The following KCNMA1 variants were observed in gnomAD, a reference collection of about 807,000 sequenced individuals.
KCNMA1 encodes the protein potassium calcium-activated channel subfamily M alpha 1.
Under a neutral mutation model 140.0 loss-of-function variants are expected in KCNMA1, and 29 were observed. That is an observed-to-expected ratio of 0.21 (90% CI 0.15 to 0.28). The LOEUF is 0.28. Among genes scored for constraint, KCNMA1 ranks in the 10% least tolerant of loss-of-function variants. KCNMA1 has a pLI of 1.00. For missense variants in KCNMA1, 880 were observed against 1,602.2 expected (o/e 0.55, Z 7.70); for synonymous variants, 612 against 611.9 (o/e 1.00, Z 0.00).
chr10:77,098,806 G>T (rs1279556283), intron 9 of KCNMA1, among the ~76,000 whole-genome samples: 2 of 151,622 alleles, frequency 1.3e-5, no homozygotes, highest in Admixed American at 6.6e-5. Context: ...GCTTTCTTCA[G>T]TAAGCAATTC....
intron 19 of KCNMA1, 150 bp from the exon 20 acceptor site, chr10:76,970,217 T>C (rs2153161251): frequency 1.4e-6 from 1 of 707,306 alleles, no homozygotes; most frequent in African/African-American, 1.7e-5. Context: ...AGACCAAATG[T>C]GTTAGTCAAA....
chr10:77,619,138 G>A (rs796973688), intron 1 of KCNMA1, among the ~76,000 whole-genome samples: 6 of 152,302 alleles, frequency 3.9e-5, no homozygotes, highest in African/African-American at 1.4e-4. Flanking sequence ...ACCCCAAAAT[G>A]TAGTGGCTTA....
At chr10:77,251,089 CTCAG>C (rs1446306019) in intron 3 of KCNMA1, 102 bp downstream of exon 3, 5 of 894,984 alleles carry the variant, frequency 5.6e-6, no homozygotes, top group East Asian at 4.9e-5. Context: ...ATCTTCTGCA[CTCAG>C]AAGGTCTTGC....
chr10:77,299,064 G>C (rs1216219301), intron 2 of KCNMA1, among the ~76,000 whole-genome samples: 1 of 152,168 alleles, frequency 6.6e-6, no homozygotes, highest in Non-Finnish European at 1.5e-5. Context: ...TAGTTCAGTC[G>C]TACTGCACAG....
rs559461350 is a variant in KCNMA1 at position 77,393,989 on chromosome 10, CTGTATA to C, written c.540+9867_540+9872del. On this transcript the variant is annotated intron_variant, in intron 2 of 27. Transcript: ENST00000286628. ...CCACTGACCTGTGCTACGCTCAGTT[CTGTATA>C]CTAGGGAACACCAATCAATGTCGGT... Among the ~76,000 whole-genome samples, 371 of 152,334 alleles carry C rather than the reference CTGTATA, an allele frequency of 2.4e-3. 4 individuals carry two copies. The highest frequency in any genetic ancestry group is 5.1e-3 in the Admixed American group (78 of 15,306).
At chr10:77,173,493 C>T (rs927519532) in intron 5 of KCNMA1, among the ~76,000 whole-genome samples, 62 of 152,074 alleles carry the variant, frequency 4.1e-4, no homozygotes, top group African/African-American at 1.4e-3. Flanking sequence ...ACTGTATGTA[C>T]ATACACATAC....
intron 1 of KCNMA1, among the ~76,000 whole-genome samples, chr10:77,494,306 G>A (rs769554170): frequency 2.0e-5 from 3 of 152,190 alleles, no homozygotes; most frequent in African/African-American, 7.2e-5. Flanking sequence ...CTTCAGGCCA[G>A]GGCTGAATAG....
intron 1 of KCNMA1, among the ~76,000 whole-genome samples, chr10:77,497,240 A>G (rs575181104): frequency 6.0e-4 from 91 of 152,360 alleles, no homozygotes; most frequent in Non-Finnish European, 1.2e-3. Flanking sequence ...TCAAAGTCCA[A>G]TGGGGACTCC....
At chr10:77,635,740 TCC>T (rs2093666568) in intron 1 of KCNMA1, 1 of 152,208 alleles carries the variant, frequency 6.6e-6, no homozygotes, top group Non-Finnish European at 1.5e-5. Flanking sequence ...AAGAAAACTC[TCC>T]GACCAGCACC....
intron 2 of KCNMA1, among the ~76,000 whole-genome samples, chr10:77,340,605 C>T (rs181360425): frequency 8.6e-4 from 131 of 151,772 alleles, no homozygotes; most frequent in Admixed American, 1.8e-3. Flanking sequence ...AGCAAACTAT[C>T]GCAAGGACAA....
intron 13 of KCNMA1, among the ~76,000 whole-genome samples, chr10:77,078,834 T>C (rs2096478566): frequency 1.3e-5 from 2 of 152,206 alleles, no homozygotes; most frequent in African/African-American, 4.8e-5. Context: ...CAAATAAAAG[T>C]TGTTGTAACT....
rs1413792510 is a variant in KCNMA1, at chr10:76,918,651, C to T, written c.2903-3602G>A. Reference sequence around the variant, plus strand: ...TCTACACTGCTGGCGGCAATGTAAACTACTACAGCCACTATGGAAAACAGT... The same window carrying T: ...TCTACACTGCTGGCGGCAATGTAAATTACTACAGCCACTATGGAAAACAGT... On this transcript the variant is annotated intron_variant, in intron 23 of 27. Coordinates refer to ENST00000286628, the MANE Select transcript of KCNMA1 (RefSeq NM_001161352.2). Among the ~76,000 whole-genome samples, 6 of 152,140 alleles carry T rather than the reference C, an allele frequency of 3.9e-5. 1 individual carries two copies. The highest frequency in any genetic ancestry group is 1.4e-4 in the African/African-American group (6 of 41,420).
intron 16 of KCNMA1, among the ~76,000 whole-genome samples, chr10:77,024,031 C>T (rs1474240373): frequency 2.0e-5 from 3 of 152,102 alleles, no homozygotes; most frequent in South Asian, 2.1e-4. Context: ...AAATATATTT[C>T]GTACATACAA....
rs540469206 is a variant in KCNMA1, at chr10:77,490,068, C to T, written c.379-86045G>A. ...AGATGAGCAGTGTCCCTGGCCGCTA[C>T]GCACCGGATGCCAGCAGCACCCACC... is the stretch of plus-strand genomic sequence containing the variant. On this transcript the variant is annotated intron_variant, in intron 1 of 27. Coordinates refer to ENST00000286628, the MANE Select transcript of KCNMA1 (RefSeq NM_001161352.2). Among the ~76,000 whole-genome samples the T allele has an allele frequency of 5.9e-5, 9 of 152,322 alleles. No individual in the cohort carries two copies. In the South Asian group the frequency reaches 6.2e-4, roughly 11 times the overall value.
intron 5 of KCNMA1, among the ~76,000 whole-genome samples, chr10:77,135,909 T>C (rs1409749374): frequency 6.6e-6 from 1 of 152,204 alleles, no homozygotes; most frequent in Non-Finnish European, 1.5e-5. Flanking sequence ...ATGGTGACTA[T>C]AGTTAATAAC....
At chr10:77,520,085 G>C (rs2052489962) in intron 1 of KCNMA1, among the ~76,000 whole-genome samples, 1 of 147,174 alleles carries the variant, frequency 6.8e-6, no homozygotes, top group Non-Finnish European at 1.5e-5. Flanking sequence ...TGTGAGGTCT[G>C]GAGTATGCAG....
At chr10:77,393,843 T>G (rs1449375089) in intron 2 of KCNMA1, among the ~76,000 whole-genome samples, 1 of 152,200 alleles carries the variant, frequency 6.6e-6, no homozygotes, top group East Asian at 1.9e-4. Context: ...GGTTTCTCAC[T>G]CCCAGGCCCC....
chr10:77,577,436 G>C (rs553247838), intron 1 of KCNMA1, among the ~76,000 whole-genome samples: 6 of 152,056 alleles, frequency 3.9e-5, no homozygotes, highest in Non-Finnish European at 7.4e-5. Flanking sequence ...ATCAAGGACC[G>C]GGAGAGACCG....
intron 19 of KCNMA1, chr10:76,979,464 C>CTT (rs1216865811): frequency 8.8e-5 from 10 of 113,374 alleles, no homozygotes; most frequent in African/African-American, 2.6e-4. Context: ...ACCAATGTTA[C>CTT]TTTCTTTTTC....
Sources: gnomAD v4.1 joint callset for allele counts (sites outside exome capture counted in the v4.1 genomes callset) on GRCh38, gnomAD v4.1.1 for gene constraint, MANE v1.5 for transcripts, NCBI Gene and HGNC (gene_info 2026-07-23, HGNC 2026-07-21) for gene names.